The following TBCEL variants were observed in gnomAD, a reference collection of about 807,000 sequenced individuals.
TBCEL encodes the protein tubulin-specific chaperone cofactor E-like protein.
TBCEL carries 15 observed loss-of-function variants against 44.2 expected under a neutral mutation model. That is an observed-to-expected ratio of 0.34 (90% CI 0.23 to 0.52). The LOEUF is 0.52. TBCEL is among the 20% of genes least tolerant of loss of function. The pLI is 0.95. For missense variants in TBCEL, 319 were observed against 506.3 expected, an observed-to-expected ratio of 0.63 and a Z score of 3.55; for synonymous variants, 171 against 185.4, an observed-to-expected ratio of 0.92 and a Z score of 0.63.
At position 121,087,302 on chromosome 11, in the gene TBCEL, G is replaced by A. The variant is rs549537978; in HGVS notation, c.*206G>A. On this transcript the variant is annotated 3_prime_UTR_variant, in exon 9 of 9. Transcript: ENST00000683345. ...ACCACAGATTGATTTGGCTCAGCCA[G>A]CGGAATTGGCCACATTTCCAGTGTA... 2 of 557,512 alleles carry A rather than the reference G, an allele frequency of 3.6e-6. No homozygotes were observed. Among genetic ancestry groups the A allele is most frequent in the Admixed American group, 6.5e-5 (2 of 30,736 alleles). 34.5% of individuals were successfully genotyped at this position (557,512 alleles called of 1,614,324 possible).
At position 121,047,673 on chromosome 11, in the gene TBCEL, G is replaced by C; in HGVS notation, c.273+6G>C. 6.2e-7 allele frequency: 1 copy of C among 1,611,836 alleles called. No homozygotes were observed. Among genetic ancestry groups the C allele is most frequent in the Non-Finnish European group, 8.5e-7 (1 of 1,178,736 alleles). ...AACTCGAAGACTGGCATGAGGTGAA[G>C]TTTTTATATTGCTACATTTTAGTGA... On this transcript the variant is annotated splice_donor_region_variant and intron_variant, in intron 4 of 8. Coordinates refer to ENST00000683345, the MANE Select transcript of TBCEL (RefSeq NM_001363644.2).
At chr11:121,069,770 C>T (rs931975017) in intron 8 of TBCEL, among the ~76,000 whole-genome samples, 10 of 150,996 alleles carry the variant, frequency 6.6e-5, no homozygotes, top group South Asian at 2.1e-4. Context: ...CCAGCCTGGG[C>T]GACAAAGCTA....
At chr11:121,077,540 A>G (rs1946054190) in intron 8 of TBCEL, among the ~76,000 whole-genome samples, 2 of 152,092 alleles carry the variant, frequency 1.3e-5, no homozygotes, top group East Asian at 1.9e-4. Context: ...CTAGAGGTTT[A>G]TCAAATTTGC....
chr11:121,059,897 C>A, intron 7 of TBCEL, 72 bp from the exon 8 acceptor site: 1 of 1,054,970 alleles, frequency 9.5e-7, no homozygotes, highest in Non-Finnish European at 1.4e-6. Flanking sequence ...GGCCACAAGC[C>A]AATTAGTTTC....
intron 8 of TBCEL, among the ~76,000 whole-genome samples, chr11:121,062,034 TTATTC>T (rs947361890): frequency 2.0e-5 from 3 of 152,134 alleles, no homozygotes; most frequent in African/African-American, 7.2e-5. Context: ...GTTCATATCT[TTATTC>T]TATAAGCATT....
intron 1 of TBCEL, among the ~76,000 whole-genome samples, chr11:121,024,905 C>G (rs1288364580): frequency 6.6e-6 from 1 of 152,028 alleles, no homozygotes; most frequent in Non-Finnish European, 1.5e-5. Context: ...AGACTGAGAA[C>G]GAGGGTGTTG....
At chr11:121,031,110 C>T (rs1250898173) in intron 1 of TBCEL, among the ~76,000 whole-genome samples, 1 of 152,146 alleles carries the variant, frequency 6.6e-6, no homozygotes, top group Non-Finnish European at 1.5e-5. Context: ...CGCAATCCTC[C>T]CAGGATTTTT....
At position 121,086,811 on chromosome 11, in the gene TBCEL, G is replaced by A; in HGVS notation, c.990G>A (p.Leu330=). The part of the protein sequence containing the change: ...YHELITKYGK[L]EPLAEVDLRP... ...AACTGATCACTAAATATGGGAAGTT[G>A]GAGCCTTTGGCAGAAGTGGACCTAA... The change falls in exon 9 of 9, where the codon TTG becomes TTA. Residue 330 remains leucine (L), a synonymous_variant. Transcript: ENST00000683345. 1.2e-6 allele frequency: 2 copies of A among 1,613,858 alleles called. No homozygotes were observed. The highest frequency in any genetic ancestry group is 8.5e-7 in the Non-Finnish European group (1 of 1,179,902).
At chr11:121,080,454 C>T (rs888053000) in intron 8 of TBCEL, among the ~76,000 whole-genome samples, 1 of 152,120 alleles carries the variant, frequency 6.6e-6, no homozygotes, top group Non-Finnish European at 1.5e-5. Context: ...TGTAAATCCC[C>T]TTATTTTTCT....
At position 121,047,530 on chromosome 11, in the gene TBCEL, C is replaced by T. The variant is rs942643941; in HGVS notation, c.136C>T (p.Arg46Cys). ...ATTTTGTGTCTCTCATCATTCAGAT[C>T]GCCTCAACCTCCCAAGTGTACTAGT... is the stretch of plus-strand genomic sequence containing the variant. ...ATPQGSPMKD[R>C]LNLPSVLVLN... The change falls in exon 4 of 9, where the codon CGC (arginine) becomes TGC (cysteine). Residue 46 changes from arginine (R) to cysteine (C), a missense_variant and splice_region_variant. Coordinates refer to ENST00000683345, the MANE Select transcript of TBCEL (RefSeq NM_001363644.2). 6 of 1,611,562 alleles carry T rather than the reference C, an allele frequency of 3.7e-6. No individual in the cohort carries two copies. The highest frequency in any genetic ancestry group is 1.1e-5 in the South Asian group (1 of 90,912).
At chr11:121,078,768 A>G (rs752276377) in intron 8 of TBCEL, among the ~76,000 whole-genome samples, 1 of 152,086 alleles carries the variant, frequency 6.6e-6, no homozygotes, top group Non-Finnish European at 1.5e-5. Context: ...CTAGATTTCT[A>G]GCCTGGAGGT....
At chr11:121,058,754 T>G (rs1033775958) in intron 7 of TBCEL, among the ~76,000 whole-genome samples, 62 of 152,034 alleles carry the variant, frequency 4.1e-4, no homozygotes, top group South Asian at 3.7e-3. Flanking sequence ...AGTCCTGTTT[T>G]GGGTCACAAA....
intron 8 of TBCEL, among the ~76,000 whole-genome samples, chr11:121,069,064 G>A (rs996772096): frequency 6.6e-6 from 1 of 151,982 alleles, no homozygotes; most frequent in Non-Finnish European, 1.5e-5. Context: ...TCCTCACCCA[G>A]TCTAAAATAG....
chr11:121,067,539 T>C (rs1945842493), intron 8 of TBCEL, among the ~76,000 whole-genome samples: 1 of 152,250 alleles, frequency 6.6e-6, no homozygotes, highest in African/African-American at 2.4e-5. Flanking sequence ...TTTATTTACT[T>C]TGTGAAACAA....
chr11:121,037,741 CA>C (rs1267755165), intron 2 of TBCEL, among the ~76,000 whole-genome samples: 1 of 152,064 alleles, frequency 6.6e-6, no homozygotes, highest in Non-Finnish European at 1.5e-5. Context: ...TAGAAGGATA[CA>C]CACCATGAGG....
chr11:121,051,804 A>G (rs1285528603), intron 4 of TBCEL, among the ~76,000 whole-genome samples: 3 of 151,818 alleles, frequency 2.0e-5, no homozygotes. Context: ...GGAATAAGTG[A>G]AATAGTGAAT....
intron 1 of TBCEL, among the ~76,000 whole-genome samples, chr11:121,031,733 C>T (rs1428442899): frequency 1.5e-5 from 2 of 130,414 alleles, no homozygotes; most frequent in Non-Finnish European, 3.1e-5. Flanking sequence ...GGTATGATCT[C>T]TGCTCACTGC....
intron 8 of TBCEL, among the ~76,000 whole-genome samples, chr11:121,062,995 C>T (rs1945752562): frequency 1.3e-5 from 2 of 152,030 alleles, no homozygotes; most frequent in Admixed American, 1.3e-4. Flanking sequence ...AAGTACTTAC[C>T]ATGTGACTAG....
chr11:121,058,823 A>T (rs922189000), intron 7 of TBCEL, among the ~76,000 whole-genome samples: 1 of 151,876 alleles, frequency 6.6e-6, no homozygotes, highest in Non-Finnish European at 1.5e-5. Context: ...TAACATGTTG[A>T]TCATTTAGAT....
Sources: allele counts gnomAD v4.1 joint callset (sites outside exome capture counted in the v4.1 genomes callset), GRCh38; gene constraint gnomAD v4.1.1; transcripts MANE v1.5; gene names NCBI Gene and HGNC (gene_info 2026-07-23, HGNC 2026-07-21).